The following GPR161 variants were observed in gnomAD, a reference collection of about 807,000 sequenced individuals.
GPR161 encodes the protein G protein-coupled receptor 161, also known as G-protein coupled receptor RE2.
A neutral mutation model predicts 39.2 loss-of-function variants in GPR161; 25 were observed. That is an observed-to-expected ratio of 0.64 (90% CI 0.47 to 0.89). The LOEUF (loss-of-function observed/expected upper bound fraction) is 0.89. Among genes scored for constraint, GPR161 ranks in the 40% least tolerant of loss-of-function variants. GPR161 has a pLI of 0.00. For synonymous variants in GPR161, 286 were observed against 276.6 expected, an observed-to-expected ratio of 1.03 and a Z score of -0.34; for missense variants, 547 against 677.8, an observed-to-expected ratio of 0.81 and a Z score of 2.14.
intron 1 of GPR161, among the ~76,000 whole-genome samples, chr1:168,113,816 G>C (rs979321617): frequency 2.0e-5 from 3 of 152,112 alleles, no homozygotes; most frequent in African/African-American, 7.2e-5. Context: ...CAGGCACTAA[G>C]GCCTACTTGA....
chr1:168,095,995 G>A (rs1695487738), intron 3 of GPR161, among the ~76,000 whole-genome samples: 1 of 151,994 alleles, frequency 6.6e-6, no homozygotes, highest in Non-Finnish European at 1.5e-5. Context: ...GTAGTTGGGT[G>A]TGGTGGTGCG....
chr1:168,105,007 G>T, intron 1 of GPR161, 113 bp from the exon 2 acceptor site: 2 of 737,398 alleles, frequency 2.7e-6, no homozygotes, highest in Middle Eastern at 3.8e-4. Flanking sequence ...AGATCACCCA[G>T]CTAGTACAGA....
At position 168,104,478 on chromosome 1, in the gene GPR161, G is replaced by A. The variant is rs756665853; in HGVS notation, c.373C>T (p.Arg125Cys). The A allele has an allele frequency of 4.3e-6, 7 of 1,610,664 alleles. No individual in the cohort carries two copies. The highest frequency in any genetic ancestry group is 1.7e-5 in the Admixed American group (1 of 59,974). The change falls in exon 2 of 6, where the codon CGC becomes TGC. Residue 125 changes from arginine (R) to cysteine (C), a missense_variant and splice_region_variant. Coordinates refer to ENST00000682931, the MANE Select transcript of GPR161 (RefSeq NM_001375883.1). ...TCTCTAAGTCTGAGGCATGCTTACCGGTCGATGGCAATGACCCCGAGGGTT... is the reference window on the plus strand; with the variant it reads ...TCTCTAAGTCTGAGGCATGCTTACCAGTCGATGGCAATGACCCCGAGGGTT... ...MLTLGVIAID[R>C]YYAVLYPMVY...
intron 5 of GPR161, among the ~76,000 whole-genome samples, chr1:168,086,368 G>T (rs1007747887): frequency 6.6e-6 from 1 of 152,208 alleles, no homozygotes; most frequent in Non-Finnish European, 1.5e-5. Flanking sequence ...AGAGGGGGGA[G>T]CCCTTCAATT....
intron 3 of GPR161, among the ~76,000 whole-genome samples, chr1:168,091,232 G>C (rs1695031197): frequency 6.6e-6 from 1 of 152,068 alleles, no homozygotes; most frequent in Non-Finnish European, 1.5e-5. Context: ...GGGGGGTAGG[G>C]GGCCAGGAGC....
rs759037558 is a variant in GPR161 at position 168,104,878 on chromosome 1, C to T, written c.-28G>A. 3 of 1,608,686 alleles carry T rather than the reference C, an allele frequency of 1.9e-6. No individual in the cohort carries two copies. Among genetic ancestry groups the T allele is most frequent in the Middle Eastern group, 3.3e-4 (2 of 6,042 alleles). On this transcript the variant is annotated 5_prime_UTR_variant, in exon 2 of 6. Transcript: ENST00000682931. ...TCAGTGCACCTCGGCGTGGGGTGGGCAGAGCATGCTGGACGACTGGAAAGA... is the reference window on the plus strand; with the variant it reads ...TCAGTGCACCTCGGCGTGGGGTGGGTAGAGCATGCTGGACGACTGGAAAGA...
At chr1:168,094,931 T>G (rs556319248) in intron 3 of GPR161, among the ~76,000 whole-genome samples, 7 of 152,310 alleles carry the variant, frequency 4.6e-5, no homozygotes, top group African/African-American at 1.7e-4. Flanking sequence ...ATCTCCTCAG[T>G]TGTATTTATT....
rs1320941593 is a variant in GPR161 at position 168,084,735 on chromosome 1, A to G, written c.*796T>C. The G allele has an allele frequency of 4.6e-6, 2 of 438,400 alleles. No individual in the cohort carries two copies. Among genetic ancestry groups the G allele is most frequent in the Non-Finnish European group, 9.1e-6 (2 of 220,596 alleles). 27.2% of individuals were successfully genotyped at this position (438,400 alleles called of 1,614,324 possible). On this transcript the variant is annotated 3_prime_UTR_variant, in exon 6 of 6. Transcript: ENST00000682931. ...TGTGCTTGGCACTACAGTCCCATTCAGTCCGGTAAAACAGTGGTACGTCTT... is the reference window on the plus strand; with the variant it reads ...TGTGCTTGGCACTACAGTCCCATTCGGTCCGGTAAAACAGTGGTACGTCTT...
At chr1:168,090,859 C>T (rs1558090700) in intron 3 of GPR161, among the ~76,000 whole-genome samples, 191 bp from the exon 4 acceptor site, 3 of 152,330 alleles carry the variant, frequency 2.0e-5, no homozygotes, top group South Asian at 4.1e-4. Flanking sequence ...ACTGTGTCAG[C>T]AGCACTCACT....
At chr1:168,135,713 G>A (rs1699302755) in intron 1 of GPR161, among the ~76,000 whole-genome samples, 1 of 152,222 alleles carries the variant, frequency 6.6e-6, no homozygotes, top group Admixed American at 6.5e-5. Context: ...GAGCCACAAG[G>A]ATGGCCATCC....
intron 2 of GPR161, among the ~76,000 whole-genome samples, chr1:168,099,432 G>A (rs1483391974): frequency 6.6e-6 from 1 of 152,150 alleles, no homozygotes; most frequent in African/African-American, 2.4e-5. Flanking sequence ...GGCCGGTTGT[G>A]GGAGCCAGGC....
chr1:168,087,088 G>C (rs1694580621), intron 5 of GPR161, among the ~76,000 whole-genome samples: 1 of 152,148 alleles, frequency 6.6e-6, no homozygotes, highest in South Asian at 2.1e-4. Context: ...GAGCGGGGAA[G>C]ATATAGAGTA....
chr1:168,093,074 C>G (rs1184859254), intron 3 of GPR161, among the ~76,000 whole-genome samples: 1 of 152,156 alleles, frequency 6.6e-6, no homozygotes, highest in African/African-American at 2.4e-5. Flanking sequence ...GAAGCCTCTT[C>G]TTGGCTCCCA....
At chr1:168,104,419 G>A in intron 2 of GPR161, 58 bp downstream of exon 2, 4 of 1,418,204 alleles carry the variant, frequency 2.8e-6, no homozygotes, top group South Asian at 1.3e-5. Context: ...GAGGGACACT[G>A]CACCAGATGA....
chr1:168,136,933 CTT>C (rs1699428189), upstream of GPR161: 1 of 977,892 alleles, frequency 1.0e-6, no homozygotes, highest in Non-Finnish European at 1.2e-6. Flanking sequence ...GGCCAAGTAA[CTT>C]TGCGGCGCCC....
chr1:168,119,271 T>C lies in GPR161; in HGVS notation c.-44-14377A>G, dbSNP rs1052838097. On this transcript the variant is annotated intron_variant, in intron 1 of 5. Coordinates refer to ENST00000682931, the MANE Select transcript of GPR161 (RefSeq NM_001375883.1). ...ATATATATATACGTATATATATGTG[T>C]ATATATATATATATATACACATATA... is the stretch of plus-strand genomic sequence containing the variant. 9.4e-5 allele frequency among the ~76,000 whole-genome samples: 10 copies of C among 106,382 alleles called. 1 individual carries two copies. The highest frequency in any genetic ancestry group is 5.9e-4 in the East Asian group (2 of 3,416). The allele number at this position is 106,382 out of a possible 152,430, so 69.8% of individuals were successfully genotyped here.
At chr1:168,125,629 T>C (rs1336712409) in intron 1 of GPR161, among the ~76,000 whole-genome samples, 3 of 151,528 alleles carry the variant, frequency 2.0e-5, no homozygotes, top group East Asian at 1.9e-4. Context: ...CCCCCCTTTT[T>C]TTTTTTTTGA....
Position 168,085,798 on chromosome 1 carries a change from T to C in GPR161, c.1325-2A>G. 6.2e-7 allele frequency: 1 copy of C among 1,607,424 alleles called. No individual in the cohort carries two copies. The highest frequency in any genetic ancestry group is 1.1e-5 in the South Asian group (1 of 90,892). On this transcript the variant is annotated splice_acceptor_variant, in intron 5 of 5. Transcript: ENST00000682931. LOFTEE classifies it high-confidence loss of function. ...GAAGAATCGAGTTCTTGGCAGCTTC[T>C]GAGGGAGAAGGCAGAAAAAAAAGTC...
At chr1:168,116,738 C>A (rs1697665705) in intron 1 of GPR161, among the ~76,000 whole-genome samples, 1 of 152,228 alleles carries the variant, frequency 6.6e-6, no homozygotes, top group South Asian at 2.1e-4. Context: ...GCCTCTGCAA[C>A]CCCAGGGGCG....
Sources: allele counts gnomAD v4.1 joint callset (sites outside exome capture counted in the v4.1 genomes callset), GRCh38; gene constraint gnomAD v4.1.1; transcripts MANE v1.5; gene names NCBI Gene and HGNC (gene_info 2026-07-23, HGNC 2026-07-21).